RBFOX1: variants seen among roughly 807,000 people sequenced by gnomAD.
RBFOX1 encodes the protein RNA binding fox-1 homolog 1, also known as RNA binding protein fox-1 homolog 1.
In RBFOX1, 8 loss-of-function variants were observed where a neutral mutation model predicts 57.7. The observed-to-expected ratio is 0.14, with a 90% CI of 0.08 to 0.25. The LOEUF is 0.25. Among genes scored for constraint, RBFOX1 ranks in the 10% least tolerant of loss-of-function variants. The pLI is 1.00. For missense variants in RBFOX1, 611 were observed against 548.5 expected (o/e 1.11, Z -1.14); for synonymous variants, 326 against 222.4 (o/e 1.47, Z -4.15).
chr16:6,515,670 G>C (rs2096362256), intron 2 of RBFOX1, among the ~76,000 whole-genome samples: 1 of 152,050 alleles, frequency 6.6e-6, no homozygotes, highest in Admixed American at 6.6e-5. Context: ...TAATCTGCCT[G>C]CCTTCTCTTA....
chr16:6,718,087 G>C (rs58431270), intron 3 of RBFOX1, among the ~76,000 whole-genome samples: 1 of 152,110 alleles, frequency 6.6e-6, no homozygotes, highest in African/African-American at 2.4e-5. Context: ...AGAGCCAGTG[G>C]CTACTTCTTA....
At chr16:5,600,662 C>T (rs1326732693), downstream of RBFOX1, among the ~76,000 whole-genome samples, 1 of 152,016 alleles carries the variant, frequency 6.6e-6, no homozygotes, top group East Asian at 1.9e-4. Context: ...GGGCCCACTG[C>T]TTGGTGCTTG....
chr16:6,099,477 A>G (rs980982067), intron 1 of RBFOX1, among the ~76,000 whole-genome samples: 2 of 152,226 alleles, frequency 1.3e-5, no homozygotes, highest in African/African-American at 4.8e-5. Flanking sequence ...ATCCAGAGGA[A>G]TTAAATCCAT....
At chr16:5,706,308 G>C (rs754097057) in intron 3 of RBFOX1, among the ~76,000 whole-genome samples, 5 of 152,200 alleles carry the variant, frequency 3.3e-5, no homozygotes, top group African/African-American at 4.8e-5. Context: ...CATGTTTCCT[G>C]ATGTAGCATG....
chr16:6,036,856 T>C (rs1405031194), intron 1 of RBFOX1, among the ~76,000 whole-genome samples: 1 of 152,230 alleles, frequency 6.6e-6, no homozygotes. Context: ...AAGTGCTATA[T>C]GGGACACACA....
chr16:7,047,671 T>A (rs2048437414), intron 3 of RBFOX1, among the ~76,000 whole-genome samples: 2 of 147,492 alleles, frequency 1.4e-5, no homozygotes, highest in African/African-American at 4.9e-5. Flanking sequence ...TTCAGTAACA[T>A]GAAATATTGT....
chr16:5,858,837 C>G (rs923230769), intron 3 of RBFOX1, among the ~76,000 whole-genome samples: 1 of 152,172 alleles, frequency 6.6e-6, no homozygotes, highest in East Asian at 1.9e-4. Flanking sequence ...AAGATGAGTC[C>G]TGGCGGCTCA....
intron 3 of RBFOX1, among the ~76,000 whole-genome samples, chr16:6,859,683 A>C (rs1196304096): frequency 6.6e-6 from 1 of 152,128 alleles, no homozygotes; most frequent in Non-Finnish European, 1.5e-5. Context: ...ATTTAATTCA[A>C]ATTTTTTAAT....
chr16:5,332,303 T>C (rs2064777569), intron 1 of RBFOX1, among the ~76,000 whole-genome samples: 1 of 152,184 alleles, frequency 6.6e-6, no homozygotes, highest in African/African-American at 2.4e-5. Context: ...AGTCTCCCTC[T>C]GTCACCCAGG....
intron 1 of RBFOX1, among the ~76,000 whole-genome samples, chr16:5,350,454 A>C (rs1009423133): frequency 6.6e-6 from 1 of 152,114 alleles, no homozygotes; most frequent in African/African-American, 2.4e-5. Flanking sequence ...AGTGATGGTT[A>C]ACAGTGTGGT....
At chr16:5,420,449 TACAC>T (rs1250013385) in intron 1 of RBFOX1, among the ~76,000 whole-genome samples, 1 of 151,960 alleles carries the variant, frequency 6.6e-6, no homozygotes, top group Non-Finnish European at 1.5e-5. Context: ...CATACAGTCA[TACAC>T]ACACACTCAT....
At chr16:7,610,544 A>T (rs746135039) in intron 10 of RBFOX1, among the ~76,000 whole-genome samples, 18 of 152,140 alleles carry the variant, frequency 1.2e-4, no homozygotes, top group African/African-American at 3.6e-4. Flanking sequence ...GTGTTACATG[A>T]CAAATCTGAG....
At position 7,280,107 on chromosome 16, in the gene RBFOX1, A is replaced by C. The variant is rs374044029; in HGVS notation, c.27+228009A>C. Among the ~76,000 whole-genome samples, 5 of 152,326 alleles carry C rather than the reference A, an allele frequency of 3.3e-5. No homozygotes were observed. The South Asian group carries it at 6.2e-4, about 19-fold the overall frequency. On this transcript the variant is annotated intron_variant, in intron 4 of 15. Transcript: ENST00000550418. The stretch of plus-strand genomic sequence containing the variant: ...CTATGGAAAGAGAGCCAGCTTCTGA[A>C]TCCTGGCTGAGTTTGACTTCGTTGA...
In RBFOX1 at chr16:7,402,923, G is replaced by C. The variant is rs372531965; in HGVS notation, c.28-115224G>C. On this transcript the variant is annotated intron_variant, in intron 4 of 15. Coordinates refer to ENST00000550418, the MANE Select transcript of RBFOX1 (RefSeq NM_018723.4). ...AAACTGTGGTCTATAGATGTAGGAA[G>C]GCTTGGAGGCAATTCTAGAAACACT... 2.0e-5 allele frequency among the ~76,000 whole-genome samples: 3 copies of C among 152,264 alleles called. No homozygotes were observed. In the South Asian group the frequency reaches 6.2e-4, roughly 32 times the overall value.
chr16:6,953,642 C>T (rs963692616), intron 3 of RBFOX1, among the ~76,000 whole-genome samples: 1 of 152,160 alleles, frequency 6.6e-6, no homozygotes, highest in Non-Finnish European at 1.5e-5. Context: ...TCATCTCGGC[C>T]TCCCAAAGCG....
intron 3 of RBFOX1, among the ~76,000 whole-genome samples, chr16:6,737,980 A>C (rs2154179911): frequency 6.6e-6 from 1 of 152,224 alleles, no homozygotes; most frequent in South Asian, 2.1e-4. Context: ...GAAAAGTGCT[A>C]AATAAATTCT....
At chr16:7,408,754 A>G (rs557418798) in intron 4 of RBFOX1, among the ~76,000 whole-genome samples, 5 of 152,242 alleles carry the variant, frequency 3.3e-5, no homozygotes, top group Admixed American at 6.5e-5. Flanking sequence ...CTGGCCTCCT[A>G]TCCACTTTAT....
chr16:5,900,189 C>G (rs1272768733), intron 4 of RBFOX1, among the ~76,000 whole-genome samples: 1 of 152,176 alleles, frequency 6.6e-6, no homozygotes, highest in Non-Finnish European at 1.5e-5. Context: ...TCATTACACT[C>G]CAAATGTCAT....
At chr16:6,388,959 C>T (rs976354372) in intron 2 of RBFOX1, among the ~76,000 whole-genome samples, 1 of 152,140 alleles carries the variant, frequency 6.6e-6, no homozygotes, top group East Asian at 1.9e-4. Context: ...AGATGTTGGA[C>T]AATGACATCA....
Sources: gnomAD v4.1 joint callset for allele counts (sites outside exome capture counted in the v4.1 genomes callset) on GRCh38, gnomAD v4.1.1 for gene constraint, MANE v1.5 for transcripts, NCBI Gene and HGNC (gene_info 2026-07-23, HGNC 2026-07-21) for gene names.